GRM1: variants seen among roughly 807,000 people sequenced by gnomAD.
GRM1 encodes metabotropic glutamate receptor 1.
A neutral mutation model predicts 90.9 loss-of-function variants in GRM1; 33 were observed. The ratio of observed to expected loss-of-function variants is 0.36; its 90% CI spans 0.28 to 0.49. The LOEUF (loss-of-function observed/expected upper bound fraction) is 0.49, where lower values mean the gene tolerates loss of function less well. GRM1 is among the 20% of genes least tolerant of loss of function. The pLI, the probability that GRM1 is intolerant of heterozygous loss-of-function variation, is 0.99. For missense variants in GRM1, 1,190 were observed against 1,534.3 expected (o/e 0.78, Z 3.75); for synonymous variants, 700 against 613.2 (o/e 1.14, Z -2.09).
At chr6:146,426,088 AATAT>A (rs1778200141) in intron 7 of GRM1, among the ~76,000 whole-genome samples, 1 of 152,210 alleles carries the variant, frequency 6.6e-6, no homozygotes, top group South Asian at 2.1e-4. Context: ...CCAAGAGATA[AATAT>A]ATGAAGTGAC....
chr6:146,224,086 A>C (rs1780159611), intron 2 of GRM1, among the ~76,000 whole-genome samples: 1 of 152,200 alleles, frequency 6.6e-6, no homozygotes, highest in East Asian at 1.9e-4. Context: ...ATTGGCCTAG[A>C]TGTGGTGTCA....
chr6:146,347,447 C>T (rs1353099529), intron 3 of GRM1, among the ~76,000 whole-genome samples: 1 of 152,124 alleles, frequency 6.6e-6, no homozygotes, highest in Admixed American at 6.6e-5. Context: ...GCACATAGAA[C>T]ATTCAAAGGA....
intron 5 of GRM1, among the ~76,000 whole-genome samples, chr6:146,362,553 C>T (rs1775524282): frequency 6.7e-6 from 1 of 149,210 alleles, no homozygotes; most frequent in Admixed American, 6.6e-5. Context: ...GTGGCAGGCG[C>T]CTGTAATCAC....
intron 7 of GRM1, among the ~76,000 whole-genome samples, chr6:146,402,937 A>G (rs1191734743): frequency 6.6e-6 from 1 of 152,190 alleles, no homozygotes; most frequent in Non-Finnish European, 1.5e-5. Flanking sequence ...TGAGTTATTT[A>G]TAATCAGAAG....
upstream of GRM1, among the ~76,000 whole-genome samples, chr6:146,028,983 G>T (rs1387809719): frequency 1.3e-5 from 2 of 152,170 alleles, no homozygotes; most frequent in African/African-American, 4.8e-5. Flanking sequence ...GCGAGTTGGC[G>T]GGGCTCTGCG....
chr6:146,304,743 T>C lies in GRM1; in HGVS notation c.1083T>C (p.Thr361=), dbSNP rs903094221. ...ATTTCCTGAAACTGAGGCTGGACACTAACACGAGGAATCCCTGGTTCCCTG... is the reference window on the plus strand; with the variant it reads ...ATTTCCTGAAACTGAGGCTGGACACCAACACGAGGAATCCCTGGTTCCCTG... ...DDYFLKLRLD[T]NTRNPWFPEF... Residue 361 remains threonine (T), a synonymous_variant, in exon 3 of 8, where the codon ACT becomes ACC. Coordinates refer to ENST00000282753, the MANE Select transcript of GRM1 (RefSeq NM_001278064.2). The C allele has an allele frequency of 1.2e-6, 2 of 1,613,960 alleles. No homozygotes were observed. The highest frequency in any genetic ancestry group is 1.1e-5 in the South Asian group (1 of 91,074).
intron 7 of GRM1, among the ~76,000 whole-genome samples, chr6:146,421,167 T>C (rs1777976786): frequency 6.6e-6 from 1 of 152,170 alleles, no homozygotes; most frequent in Non-Finnish European, 1.5e-5. Flanking sequence ...GTACCAATTC[T>C]AGTTCTAAGT....
chr6:146,430,809 T>G (rs936460895), intron 7 of GRM1, among the ~76,000 whole-genome samples: 1 of 152,204 alleles, frequency 6.6e-6, no homozygotes, highest in Non-Finnish European at 1.5e-5. Context: ...ATACCTCTCT[T>G]CACGGCCATT....
At chr6:146,233,617 C>A (rs1256793050) in intron 2 of GRM1, among the ~76,000 whole-genome samples, 1 of 152,066 alleles carries the variant, frequency 6.6e-6, no homozygotes, top group Non-Finnish European at 1.5e-5. Flanking sequence ...CCCCAGATAT[C>A]CTTCTGTTAC....
intron 2 of GRM1, among the ~76,000 whole-genome samples, chr6:146,279,669 C>T (rs893524819): frequency 1.7e-4 from 26 of 152,030 alleles, no homozygotes; most frequent in Non-Finnish European, 3.4e-4. Flanking sequence ...GGTGAGAGAA[C>T]ATTATTTGTA....
At chr6:146,046,273 A>T (rs1449816470) in intron 1 of GRM1, among the ~76,000 whole-genome samples, 1 of 152,012 alleles carries the variant, frequency 6.6e-6, no homozygotes, top group Non-Finnish European at 1.5e-5. Context: ...CCTAGCCTCT[A>T]CATTTACCAG....
intron 1 of GRM1, among the ~76,000 whole-genome samples, chr6:146,145,374 G>A (rs757140222): frequency 1.3e-5 from 2 of 152,162 alleles, no homozygotes; most frequent in East Asian, 3.9e-4. Context: ...AGCCCCAGAA[G>A]CCTAGGAGAG....
chr6:146,367,554 GT>G (rs1287689260), intron 5 of GRM1, among the ~76,000 whole-genome samples: 1 of 152,064 alleles, frequency 6.6e-6, no homozygotes, highest in Non-Finnish European at 1.5e-5. Context: ...CAGACAGGAA[GT>G]TTTTCAACCC....
At chr6:146,314,860 A>G (rs1384629513) in intron 3 of GRM1, among the ~76,000 whole-genome samples, 1 of 152,188 alleles carries the variant, frequency 6.6e-6, no homozygotes, top group Non-Finnish European at 1.5e-5. Context: ...CTTATTAGCT[A>G]CTATGGAATC....
At chr6:146,137,767 T>C (rs1776679442) in intron 1 of GRM1, among the ~76,000 whole-genome samples, 2 of 152,220 alleles carry the variant, frequency 1.3e-5, no homozygotes, top group South Asian at 2.1e-4. Context: ...TTTAACAACA[T>C]TAATTCTTTC....
intron 1 of GRM1, among the ~76,000 whole-genome samples, chr6:146,038,243 C>T (rs950632131): frequency 6.6e-6 from 1 of 151,852 alleles, no homozygotes; most frequent in Non-Finnish European, 1.5e-5. Context: ...TCTGTGACAC[C>T]ATCTCTACCA....
At chr6:146,267,942 C>A (rs537032221) in intron 2 of GRM1, among the ~76,000 whole-genome samples, 31 of 152,184 alleles carry the variant, frequency 2.0e-4, no homozygotes, top group Non-Finnish European at 4.1e-4. Context: ...GAGTATTAAC[C>A]ATCACAAGTC....
At chr6:146,045,002 G>A (rs1791273030) in intron 1 of GRM1, among the ~76,000 whole-genome samples, 1 of 151,828 alleles carries the variant, frequency 6.6e-6, no homozygotes, top group African/African-American at 2.4e-5. Flanking sequence ...GCTCTCAGGT[G>A]GTATTGATGC....
chr6:146,364,462 C>G (rs115831929), intron 5 of GRM1, among the ~76,000 whole-genome samples: 1 of 152,214 alleles, frequency 6.6e-6, no homozygotes, highest in African/African-American at 2.4e-5. Flanking sequence ...CCATGACCCA[C>G]TCCAGCCAGC....
Sources: gnomAD v4.1 joint callset for allele counts (sites outside exome capture counted in the v4.1 genomes callset) on GRCh38, gnomAD v4.1.1 for gene constraint, MANE v1.5 for transcripts, NCBI Gene and HGNC (gene_info 2026-07-23, HGNC 2026-07-21) for gene names.